MFAP1: variants seen among roughly 807,000 people sequenced by gnomAD.
MFAP1 encodes microfibril associated protein 1, also known as microfibrillar-associated protein 1.
In MFAP1, 18 loss-of-function variants were observed where a neutral mutation model predicts 62.2. That is an observed-to-expected ratio of 0.29 (90% CI 0.20 to 0.43). The LOEUF (loss-of-function observed/expected upper bound fraction) is 0.43. Among genes scored for constraint, MFAP1 ranks in the 20% least tolerant of loss-of-function variants. MFAP1 has a pLI of 1.00. For missense variants in MFAP1, 355 were observed against 559.7 expected (o/e 0.63, Z 3.69); for synonymous variants, 175 against 180.4 (o/e 0.97, Z 0.24).
At chr15:43,817,511 G>A (rs1051574999) in intron 1 of MFAP1, 63 bp from the exon 2 acceptor site, 3 of 1,548,468 alleles carry the variant, frequency 1.9e-6, no homozygotes, top group Non-Finnish European at 2.7e-6. Context: ...AACCCATCAC[G>A]GCCTTTGCAA....
At chr15:43,822,563 G>A (rs569171903) in intron 1 of MFAP1, among the ~76,000 whole-genome samples, 95 of 151,630 alleles carry the variant, frequency 6.3e-4, no homozygotes, top group African/African-American at 2.3e-3. Flanking sequence ...TAGTAGAGAC[G>A]GGGTTTCACC....
chr15:43,824,366 G>T, intron 1 of MFAP1, 125 bp downstream of exon 1: 1 of 922,114 alleles, frequency 1.1e-6, no homozygotes, highest in Non-Finnish European at 1.7e-6. Flanking sequence ...TGGAAAGATC[G>T]AAGAATCTGG....
Position 43,804,839 on chromosome 15 carries a change from A to T in MFAP1, c.*255T>A. On this transcript the variant is annotated 3_prime_UTR_variant, in exon 9 of 9. Coordinates refer to ENST00000267812, the MANE Select transcript of MFAP1 (RefSeq NM_005926.3). ...TATGGGAAACCATAGCAGTGATAAA[A>T]CCTAAGATTTCTCAGAAATAGTTTT... 1 of 361,624 alleles carries T rather than the reference A, an allele frequency of 2.8e-6. No homozygotes were observed. Among genetic ancestry groups the T allele is most frequent in the Non-Finnish European group, 4.9e-6 (1 of 202,642 alleles). The allele number at this position is 361,624 out of a possible 1,614,324, so 22.4% of individuals were successfully genotyped here. A position where few individuals can be genotyped will look rare whatever the true frequency, so the allele number is the denominator to read the frequency against.
chr15:43,817,728 C>A (rs1439332333), intron 1 of MFAP1, among the ~76,000 whole-genome samples: 2 of 151,538 alleles, frequency 1.3e-5, no homozygotes, highest in African/African-American at 2.4e-5. Flanking sequence ...AGAAAAAAGT[C>A]CCCCCCCAAA....
chr15:43,818,715 A>G (rs1468098116), intron 1 of MFAP1, among the ~76,000 whole-genome samples: 1 of 151,898 alleles, frequency 6.6e-6, no homozygotes, highest in African/African-American at 2.4e-5. Flanking sequence ...TTTAGACCTC[A>G]TCTCTACTAA....
intron 1 of MFAP1, among the ~76,000 whole-genome samples, chr15:43,822,665 C>T (rs1472155724): frequency 2.0e-5 from 3 of 151,994 alleles, no homozygotes; most frequent in Non-Finnish European, 4.4e-5. Flanking sequence ...TGAGGCATCA[C>T]GCCCAGCCTT....
intron 2 of MFAP1, among the ~76,000 whole-genome samples, chr15:43,815,637 A>ATT (rs796773976): frequency 6.9e-6 from 1 of 144,254 alleles, no homozygotes; most frequent in Non-Finnish European, 1.5e-5. Context: ...ATGCATTGGG[A>ATT]TTTTTTTTTT....
intron 1 of MFAP1, among the ~76,000 whole-genome samples, chr15:43,824,039 CTAAT>C (rs1168817734): frequency 6.6e-6 from 1 of 151,590 alleles, no homozygotes; most frequent in Non-Finnish European, 1.5e-5. Flanking sequence ...ACTTAAGTTC[CTAAT>C]TATTAGATTA....
At chr15:43,815,159 T>A in intron 2 of MFAP1, 85 bp from the exon 3 acceptor site, 1 of 1,553,500 alleles carries the variant, frequency 6.4e-7, no homozygotes. Flanking sequence ...CAGAGCACAT[T>A]ATGTTTGCCT....
chr15:43,820,142 G>A (rs936502664), intron 1 of MFAP1, among the ~76,000 whole-genome samples: 2 of 151,628 alleles, frequency 1.3e-5, no homozygotes, highest in Non-Finnish European at 2.9e-5. Context: ...GCGAGACTCC[G>A]TCTCAAAAAA....
intron 2 of MFAP1, among the ~76,000 whole-genome samples, chr15:43,817,019 T>C (rs928381065): frequency 1.3e-5 from 2 of 152,176 alleles, no homozygotes; most frequent in Admixed American, 6.6e-5. Context: ...CTTTGTAGCT[T>C]TGGTCATGTA....
intron 7 of MFAP1, 95 bp from the exon 8 acceptor site, chr15:43,805,560 G>T: frequency 1.0e-6 from 1 of 996,976 alleles, no homozygotes; most frequent in Non-Finnish European, 1.5e-6. Context: ...TACAGAGAAA[G>T]CAGAGGGTAT....
chr15:43,808,361 C>T (rs1328347837), intron 7 of MFAP1, among the ~76,000 whole-genome samples: 7 of 152,206 alleles, frequency 4.6e-5, no homozygotes, highest in South Asian at 4.1e-4. Context: ...CGGACCACCA[C>T]GCCTAATTTT....
chr15:43,824,252 A>G (rs904182030), intron 1 of MFAP1, among the ~76,000 whole-genome samples: 2 of 151,826 alleles, frequency 1.3e-5, no homozygotes, highest in African/African-American at 4.8e-5. Context: ...TATTATATAT[A>G]TGTAACATTA....
Position 43,824,537 on chromosome 15 carries a change from C to G in MFAP1, c.33G>C (p.Pro11=). The G allele has an allele frequency of 6.2e-7, 1 of 1,614,096 alleles. No individual in the cohort carries two copies. The highest frequency in any genetic ancestry group is 1.3e-5 in the African/African-American group (1 of 75,004). The change falls in exon 1 of 9, where the codon CCG becomes CCC. Residue 11 remains proline (P), a synonymous_variant. Transcript: ENST00000267812. ...CGGCCCCAGCCGTAGACTGAATGGG[C>G]GGTTGCTTCATGAGAGCGCTTGGGA... MSVPSALMKQ[P]PIQSTAGAVP... is the part of the protein sequence containing the mutation.
intron 1 of MFAP1, among the ~76,000 whole-genome samples, chr15:43,821,798 A>C (rs1207547519): frequency 6.6e-6 from 1 of 152,176 alleles, no homozygotes; most frequent in East Asian, 1.9e-4. Flanking sequence ...ATATATACAA[A>C]CACTCAGAAG....
chr15:43,819,773 T>A (rs1000888081), intron 1 of MFAP1, among the ~76,000 whole-genome samples: 59 of 152,212 alleles, frequency 3.9e-4, no homozygotes, highest in African/African-American at 1.3e-3. Flanking sequence ...CCTCAGGTGA[T>A]CTGCCAGCCT....
intron 1 of MFAP1, among the ~76,000 whole-genome samples, chr15:43,818,522 C>CA (rs796976749): frequency 0.01 from 1,318 of 128,566 alleles, 17 homozygotes; most frequent in African/African-American, 0.029. Flanking sequence ...AAAAAAGAAA[C>CA]AAAAAAAAAA....
intron 1 of MFAP1, among the ~76,000 whole-genome samples, chr15:43,821,097 T>G (rs2087464277): frequency 6.6e-6 from 1 of 152,140 alleles, no homozygotes; most frequent in South Asian, 2.1e-4. Flanking sequence ...CTGTATTTTT[T>G]GGGGTCTCGC....
Sources: allele counts gnomAD v4.1 joint callset (sites outside exome capture counted in the v4.1 genomes callset), GRCh38; gene constraint gnomAD v4.1.1; transcripts MANE v1.5; gene names NCBI Gene and HGNC (gene_info 2026-07-23, HGNC 2026-07-21).